Variants in ACAP2 observed in about 807,000 individuals in gnomAD.
ACAP2 encodes the protein ArfGAP with coiled-coil, ankyrin repeat and PH domains 2.
A neutral mutation model predicts 115.8 loss-of-function variants in ACAP2; 39 were observed. The ratio of observed to expected loss-of-function variants is 0.34; its 90% CI spans 0.26 to 0.44. The LOEUF is 0.44. Among genes scored for constraint, ACAP2 ranks in the 20% least tolerant of loss-of-function variants. The pLI is 1.00. For synonymous variants in ACAP2, 289 were observed against 315.8 expected (o/e 0.92, Z 0.90); for missense variants, 662 against 927.6 (o/e 0.71, Z 3.72).
intron 10 of ACAP2, among the ~76,000 whole-genome samples, chr3:195,309,839 G>A (rs1411550723): frequency 3.3e-5 from 5 of 151,866 alleles, no homozygotes; most frequent in East Asian, 1.9e-4. Flanking sequence ...ATTTACTTAC[G>A]ATCTTTTTTA....
At chr3:195,288,412 C>G (rs1298935259) in intron 21 of ACAP2, among the ~76,000 whole-genome samples, 1 of 152,080 alleles carries the variant, frequency 6.6e-6, no homozygotes, top group Non-Finnish European at 1.5e-5. Flanking sequence ...AAATACCAAC[C>G]AACTTCGAAG....
At chr3:195,368,726 TTAGC>T (rs1351895892) in intron 4 of ACAP2, among the ~76,000 whole-genome samples, 1 of 152,202 alleles carries the variant, frequency 6.6e-6, no homozygotes, top group Non-Finnish European at 1.5e-5. Flanking sequence ...TTGGTGTTAA[TTAGC>T]TAAAGTGTGA....
At chr3:195,374,378 G>C (rs768778383) in intron 4 of ACAP2, among the ~76,000 whole-genome samples, 1 of 152,128 alleles carries the variant, frequency 6.6e-6, no homozygotes, top group Non-Finnish European at 1.5e-5. Flanking sequence ...GGCTGATCGA[G>C]ACTCCATCTA....
intron 15 of ACAP2, among the ~76,000 whole-genome samples, chr3:195,300,044 CTTTTTTTTT>C (rs765234326): frequency 1.2e-4 from 4 of 34,366 alleles, no homozygotes; most frequent in South Asian, 9.0e-4. Context: ...CTTTTTTTTT[CTTTTTTTTT>C]TTTTTTTTTT....
chr3:195,379,572 G>A (rs541404162), intron 4 of ACAP2, among the ~76,000 whole-genome samples: 10 of 152,216 alleles, frequency 6.6e-5, no homozygotes, highest in African/African-American at 4.8e-5. Flanking sequence ...GCGGGAGGAC[G>A]GCTTGAGCCC....
intron 15 of ACAP2, among the ~76,000 whole-genome samples, chr3:195,301,189 C>T (rs1230168047): frequency 6.6e-6 from 1 of 151,958 alleles, no homozygotes; most frequent in Non-Finnish European, 1.5e-5. Context: ...GGGTTCACGC[C>T]ATTCTCCTGC....
chr3:195,342,872 T>C (rs1387383084), intron 5 of ACAP2, among the ~76,000 whole-genome samples: 1 of 152,072 alleles, frequency 6.6e-6, no homozygotes, highest in Non-Finnish European at 1.5e-5. Context: ...GGCATGTGCC[T>C]GTAGTCCCAG....
intron 1 of ACAP2, among the ~76,000 whole-genome samples, chr3:195,424,281 ATATTTTTTTTTTTTTT>A (rs1307983749): frequency 4.5e-4 from 22 of 49,384 alleles, no homozygotes; most frequent in African/African-American, 1.6e-3. Context: ...ATATATATAT[ATATTTTTTTTTTTTTT>A]TTTTTTTTTT....
chr3:195,404,863 T>G (rs972107620), intron 1 of ACAP2, among the ~76,000 whole-genome samples: 1 of 150,888 alleles, frequency 6.6e-6, no homozygotes, highest in Non-Finnish European at 1.5e-5. Context: ...AATGGCACAA[T>G]CTCAGCTCAC....
chr3:195,412,502 C>T lies in ACAP2; in HGVS notation c.54-20355G>A, dbSNP rs539915687. On this transcript the variant is annotated intron_variant, in intron 1 of 22. Coordinates refer to ENST00000326793, the MANE Select transcript of ACAP2 (RefSeq NM_012287.6). ...TGGCAGGTGCCTGTAGTCCCAGCTA[C>T]TCAGGAGGCTGAGGCAGGAGAAGCG... is the stretch of plus-strand genomic sequence containing the variant. Among the ~76,000 whole-genome samples, 11 of 152,000 alleles carry T rather than the reference C, an allele frequency of 7.2e-5. 1 individual carries two copies. The East Asian group carries it at 1.9e-3, about 27-fold the overall frequency.
chr3:195,292,818 AG>A (rs1727351595), intron 18 of ACAP2, among the ~76,000 whole-genome samples: 1 of 150,522 alleles, frequency 6.6e-6, no homozygotes, highest in African/African-American at 2.4e-5. Flanking sequence ...TCTACCTGGG[AG>A]ACTGAGGGAC....
chr3:195,401,839 T>C (rs1282356043), intron 1 of ACAP2, among the ~76,000 whole-genome samples: 1 of 152,172 alleles, frequency 6.6e-6, no homozygotes, highest in African/African-American at 2.4e-5. Context: ...AAAACCGTTT[T>C]ACACAGTATT....
chr3:195,303,491 G>A (rs1246024661), intron 13 of ACAP2, among the ~76,000 whole-genome samples: 1 of 151,494 alleles, frequency 6.6e-6, no homozygotes, highest in African/African-American at 2.4e-5. Context: ...GAAGGCTGAG[G>A]CATGAGAATC....
chr3:195,402,220 G>A (rs1712366499), intron 1 of ACAP2, among the ~76,000 whole-genome samples: 1 of 152,156 alleles, frequency 6.6e-6, no homozygotes, highest in South Asian at 2.1e-4. Context: ...GATGAATGGA[G>A]CATTTAAAAC....
rs199570524 is a variant in ACAP2 at position 195,302,088 on chromosome 3, C to T, written c.1203G>A (p.Ala401=). The T allele has an allele frequency of 1.1e-4, 183 of 1,614,144 alleles. No homozygotes were observed. Among genetic ancestry groups the T allele is most frequent in the African/African-American group, 4.5e-4 (34 of 75,048 alleles). Residue 401 remains alanine, a synonymous_variant, in exon 14 of 23, where the codon GCG becomes GCA. Transcript: ENST00000326793. ...CAGGGATACACTGGACCCGCTGAAGCGCACTTTCTCCTTTCAATAATTTCT... is the reference window on the plus strand; with the variant it reads ...CAGGGATACACTGGACCCGCTGAAGTGCACTTTCTCCTTTCAATAATTTCT... ...SKEKLLKGES[A]LQRVQCIPGN...
intron 9 of ACAP2, among the ~76,000 whole-genome samples, chr3:195,324,151 T>C (rs963485652): frequency 6.6e-6 from 1 of 152,154 alleles, no homozygotes; most frequent in Admixed American, 6.6e-5. Flanking sequence ...TAAAGACTAA[T>C]AGTTCACAAA....
intron 11 of ACAP2, among the ~76,000 whole-genome samples, chr3:195,307,630 A>G (rs1032454436): frequency 1.3e-5 from 2 of 152,126 alleles, no homozygotes; most frequent in African/African-American, 4.8e-5. Flanking sequence ...ATTTTCTTTT[A>G]TATTCACTCT....
At chr3:195,327,063 T>C (rs1729843467) in intron 8 of ACAP2, 104 bp from the exon 9 acceptor site, 1 of 1,043,390 alleles carries the variant, frequency 9.6e-7, no homozygotes, top group Non-Finnish European at 1.4e-6. Flanking sequence ...AATCACTCAA[T>C]TTAAGCTGAT....
At chr3:195,385,010 G>C (rs1734199525) in intron 2 of ACAP2, among the ~76,000 whole-genome samples, 1 of 152,132 alleles carries the variant, frequency 6.6e-6, no homozygotes, top group Non-Finnish European at 1.5e-5. Context: ...ACATCTAAGT[G>C]AGACTGAGTG....
Sources: gnomAD v4.1 joint callset for allele counts (sites outside exome capture counted in the v4.1 genomes callset) on GRCh38, gnomAD v4.1.1 for gene constraint, MANE v1.5 for transcripts, NCBI Gene and HGNC (gene_info 2026-07-23, HGNC 2026-07-21) for gene names.